Variants in PDE7B observed in about 807,000 individuals in gnomAD.
PDE7B encodes 3',5'-cyclic-AMP phosphodiesterase 7B.
PDE7B carries 29 observed loss-of-function variants against 56.2 expected under a neutral mutation model. That is an observed-to-expected ratio of 0.52 (90% CI 0.38 to 0.70). The LOEUF is 0.70. Among genes scored for constraint, PDE7B ranks in the 30% least tolerant of loss-of-function variants. The pLI is 0.00. For synonymous variants in PDE7B, 197 were observed against 196.9 expected (o/e 1.00, Z 0.00); for missense variants, 490 against 565.0 (o/e 0.87, Z 1.35).
Position 136,187,091 on chromosome 6 carries a change from A to G in PDE7B, c.1101A>G (p.Lys367=), listed in dbSNP as rs753108804. 14 of 1,575,354 alleles carry G rather than the reference A, an allele frequency of 8.9e-6. No homozygotes were observed. The highest frequency in any genetic ancestry group is 1.3e-5 in the African/African-American group (1 of 74,180). ...TCAGTCCTCTTTGTAATCAACAGAA[A>G]GATTCCATCCCTAGTATACAAATTG... is the stretch of plus-strand genomic sequence containing the variant. The part of the protein sequence containing the change: ...LEISPLCNQQ[K]DSIPSIQIGF... Residue 367 remains lysine (K), a synonymous_variant, in exon 12 of 13, where the codon AAA becomes AAG. Transcript: ENST00000308191.
chr6:136,183,546 A>G (rs1779100688), intron 11 of PDE7B, among the ~76,000 whole-genome samples: 1 of 149,636 alleles, frequency 6.7e-6, no homozygotes, highest in East Asian at 2.0e-4. Flanking sequence ...CAGTGAGCCA[A>G]GGTCACGCCA....
intron 1 of PDE7B, among the ~76,000 whole-genome samples, chr6:135,925,075 G>A (rs113918909): frequency 0.011 from 1,661 of 148,852 alleles, 33 homozygotes; most frequent in African/African-American, 0.038. Flanking sequence ...ATTTTTAATA[G>A]TTTATATGCC....
At chr6:136,127,077 G>T (rs886504524) in intron 3 of PDE7B, among the ~76,000 whole-genome samples, 2 of 152,136 alleles carry the variant, frequency 1.3e-5, no homozygotes, top group African/African-American at 4.8e-5. Flanking sequence ...ACCTATCAGA[G>T]AAATGGGGTT....
At chr6:136,053,069 A>G (rs1029924631) in intron 2 of PDE7B, among the ~76,000 whole-genome samples, 2 of 152,112 alleles carry the variant, frequency 1.3e-5, no homozygotes, top group Non-Finnish European at 2.9e-5. Context: ...TTTTTTTAAA[A>G]AAGTTATACT....
chr6:136,159,242 C>T (rs1458998412), intron 8 of PDE7B, among the ~76,000 whole-genome samples: 2 of 152,068 alleles, frequency 1.3e-5, no homozygotes, highest in African/African-American at 4.8e-5. Context: ...GTCCTATGAC[C>T]CCACCCCGTC....
intron 2 of PDE7B, chr6:136,098,002 A>C (rs1777496497): frequency 6.6e-6 from 1 of 152,042 alleles, no homozygotes; most frequent in African/African-American, 2.4e-5. Flanking sequence ...GTTCACCTTA[A>C]ATTAACTCCT....
At chr6:136,004,762 A>G (rs1296192692) in intron 2 of PDE7B, among the ~76,000 whole-genome samples, 1 of 152,218 alleles carries the variant, frequency 6.6e-6, no homozygotes, top group Non-Finnish European at 1.5e-5. Context: ...CAATATCGTG[A>G]AAATGGCCAT....
At chr6:136,008,038 G>T (rs7740628) in intron 2 of PDE7B, among the ~76,000 whole-genome samples, 1 of 144,892 alleles carries the variant, frequency 6.9e-6, no homozygotes, top group Non-Finnish European at 1.5e-5. Context: ...CTGTGTCCAT[G>T]TGTTCTCATT....
At chr6:136,105,309 G>A (rs908902495) in intron 2 of PDE7B, among the ~76,000 whole-genome samples, 11 of 152,208 alleles carry the variant, frequency 7.2e-5, no homozygotes, top group African/African-American at 2.7e-4. Flanking sequence ...GTAAGAAAAA[G>A]TTAATGCTGA....
In PDE7B at chr6:136,173,657, G is replaced by GTT. The variant is rs113294308; in HGVS notation, c.712-132_712-131dup. The GTT allele has an allele frequency of 6.3e-4, 385 of 613,960 alleles. 3 individuals are homozygous for GTT. The highest frequency in any genetic ancestry group is 6.2e-3 in the African/African-American group (332 of 53,708). 38.0% of individuals were successfully genotyped at this position (613,960 alleles called of 1,614,324 possible). On this transcript the variant is annotated intron_variant, in intron 8 of 12. Transcript: ENST00000308191. Reference sequence around the variant, plus strand: ...ACCTCATGGTTGTTTTATCTTTTGGGTTTTTTTTTCCTGGTCTGCCTCTGG... The same window carrying GTT: ...ACCTCATGGTTGTTTTATCTTTTGGGTTTTTTTTTTTCCTGGTCTGCCTCTGG...
rs138734944 is a variant in PDE7B, at chr6:135,915,022, G to A, written c.22-32442G>A. Among the ~76,000 whole-genome samples the A allele has an allele frequency of 9.1e-3, 1,387 of 151,886 alleles. 16 individuals are homozygous for A. Among genetic ancestry groups the A allele is most frequent in the African/African-American group, 0.032 (1,311 of 41,472 alleles). ...GCAGGAGAATCACTTGAACGCAGGAGGTGGAGGTTGCAGTGAGCCAATATT... is the reference window on the plus strand; with the variant it reads ...GCAGGAGAATCACTTGAACGCAGGAAGTGGAGGTTGCAGTGAGCCAATATT... On this transcript the variant is annotated intron_variant, in intron 1 of 12. Coordinates refer to ENST00000308191, the MANE Select transcript of PDE7B (RefSeq NM_018945.4).
At chr6:135,993,331 C>T (rs1417185951) in intron 2 of PDE7B, among the ~76,000 whole-genome samples, 2 of 152,178 alleles carry the variant, frequency 1.3e-5, no homozygotes, top group Non-Finnish European at 2.9e-5. Context: ...TGGTTCTTAA[C>T]TCCATCGTTT....
intron 3 of PDE7B, among the ~76,000 whole-genome samples, chr6:136,127,403 G>A (rs1377625011): frequency 6.6e-6 from 1 of 152,126 alleles, no homozygotes; most frequent in Admixed American, 6.5e-5. Context: ...TATCTGACAT[G>A]TAGTCATTAA....
At chr6:135,933,625 G>A (rs1003736181) in intron 1 of PDE7B, among the ~76,000 whole-genome samples, 19 of 152,142 alleles carry the variant, frequency 1.2e-4, no homozygotes, top group African/African-American at 4.3e-4. Flanking sequence ...AGAATACATA[G>A]AGATAACAGT....
intron 1 of PDE7B, among the ~76,000 whole-genome samples, chr6:135,902,438 G>T (rs988950384): frequency 1.3e-5 from 2 of 151,622 alleles, no homozygotes; most frequent in African/African-American, 4.8e-5. Flanking sequence ...TAGACATAAT[G>T]TGGAAAATAA....
At chr6:135,919,499 A>C (rs776247291) in intron 1 of PDE7B, among the ~76,000 whole-genome samples, 3 of 152,222 alleles carry the variant, frequency 2.0e-5, no homozygotes, top group Non-Finnish European at 4.4e-5. Flanking sequence ...CCCTACAACC[A>C]CATATAGATT....
chr6:135,931,038 T>C (rs1463100589), intron 1 of PDE7B, among the ~76,000 whole-genome samples: 2 of 152,240 alleles, frequency 1.3e-5, no homozygotes, highest in Non-Finnish European at 2.9e-5. Context: ...ATTTTATCTT[T>C]TGTGAAATTT....
intron 1 of PDE7B, among the ~76,000 whole-genome samples, chr6:135,922,678 T>C (rs908851208): frequency 7.9e-5 from 12 of 152,162 alleles, no homozygotes; most frequent in Non-Finnish European, 1.6e-4. Flanking sequence ...TGGATATATA[T>C]TATGAAACAA....
chr6:136,012,499 T>C (rs1057283837), intron 2 of PDE7B: 10 of 152,206 alleles, frequency 6.6e-5, no homozygotes, highest in African/African-American at 2.4e-4. Flanking sequence ...GTTGCAGTCA[T>C]GATATGGAAA....
Sources: allele counts gnomAD v4.1 joint callset (sites outside exome capture counted in the v4.1 genomes callset), GRCh38; gene constraint gnomAD v4.1.1; transcripts MANE v1.5; gene names NCBI Gene and HGNC (gene_info 2026-07-23, HGNC 2026-07-21).